Variants in CNFN observed in about 807,000 individuals in gnomAD.
The protein encoded by CNFN is cornifelin, also known as cornefied envelope protein cornefilin.
Under a neutral mutation model 14.9 loss-of-function variants are expected in CNFN, and 10 were observed. The ratio of observed to expected loss-of-function variants is 0.67; its 90% CI spans 0.41 to 1.14. The LOEUF is 1.14. Among genes scored for constraint, CNFN ranks in the 50% most tolerant of loss-of-function variants. CNFN has a pLI of 0.00. For missense variants in CNFN, 165 were observed against 152.8 expected, an observed-to-expected ratio of 1.08 and a Z score of -0.42; for synonymous variants, 66 against 60.0, an observed-to-expected ratio of 1.10 and a Z score of -0.46.
Position 42,388,984 on chromosome 19 carries a change from C to G in CNFN, c.54G>C (p.Gln18His), listed in dbSNP as rs1392621315. 1.2e-5 allele frequency: 20 copies of G among 1,613,842 alleles called. No homozygotes were observed. In the Admixed American group the frequency reaches 3.3e-4, roughly 27 times the overall value. The change falls in exon 2 of 4, where the codon CAG becomes CAC. Residue 18 changes from glutamine (Q) to histidine (H), a missense_variant. Physicochemically the swap from Gln to His is conservative, Grantham distance 24. Coordinates refer to ENST00000222032, the MANE Select transcript of CNFN (RefSeq NM_032488.4). ...QPQCATTSCY[Q>H]TQLSDWHTGL... The stretch of plus-strand genomic sequence containing the variant: ...CTGTGTGCCAGTCACTGAGCTGGGT[C>G]TGGTAGCAGCTGGTGGTGGCGCACT...
At chr19:42,388,003 A>AC (rs2039868537) in intron 2 of CNFN, among the ~76,000 whole-genome samples, 4 of 150,052 alleles carry the variant, frequency 2.7e-5, no homozygotes, top group African/African-American at 9.8e-5. Flanking sequence ...AACAAAACAA[A>AC]AAAAAAAACG....
chr19:42,387,226 T>C lies in CNFN; in HGVS notation c.266A>G (p.Asp89Gly). Residue 89 changes from aspartate to glycine, a missense_variant, in exon 4 of 4, where the codon GAC becomes GGC. Physicochemically the swap from Asp to Gly is moderately conservative, Grantham distance 94 (BLOSUM62 -1). Coordinates refer to ENST00000222032, the MANE Select transcript of CNFN (RefSeq NM_032488.4). ...CAGACAAAAGGTGAGGGCCGCCCAG[T>C]CGTGCCCGACGGAGCCCTAGAGGGT... ...RYHIQGSVGH[D>G]WAALTFCLPC... is the part of the protein sequence containing the mutation. 1 of 1,614,078 alleles carries C rather than the reference T, an allele frequency of 6.2e-7. No individual in the cohort carries two copies. The highest frequency in any genetic ancestry group is 8.5e-7 in the Non-Finnish European group (1 of 1,179,970).
intron 1 of CNFN, 35 bp from the exon 2 acceptor site, chr19:42,389,074 C>A (rs753834183): frequency 3.3e-6 from 5 of 1,498,056 alleles, no homozygotes; most frequent in Non-Finnish European, 4.6e-6. Context: ...CAGCTGGCAG[C>A]CTCGCAGCAT....
intron 1 of CNFN, among the ~76,000 whole-genome samples, 162 bp downstream of exon 1, chr19:42,390,078 A>G (rs954111195): frequency 2.0e-5 from 3 of 152,206 alleles, no homozygotes; most frequent in Non-Finnish European, 2.9e-5. Flanking sequence ...CCCAGTTAAG[A>G]AGGACAGATT....
intron 2 of CNFN, among the ~76,000 whole-genome samples, chr19:42,388,000 C>CCAAAAA (rs2039868336): frequency 7.2e-6 from 1 of 138,816 alleles, no homozygotes; most frequent in Non-Finnish European, 1.5e-5. Context: ...AAAAACAAAA[C>CCAAAAA]AAAAAAAAAA....
chr19:42,387,993 AAC>A (rs1257842023), intron 2 of CNFN, among the ~76,000 whole-genome samples: 5 of 148,786 alleles, frequency 3.4e-5, no homozygotes, highest in African/African-American at 1.2e-4. Flanking sequence ...AAAAACAAAA[AAC>A]AAAACAAAAA....
At chr19:42,387,995 C>CAAAAAAAAA (rs755521374) in intron 2 of CNFN, among the ~76,000 whole-genome samples, 2 of 36,138 alleles carry the variant, frequency 5.5e-5, no homozygotes, top group Non-Finnish European at 1.3e-4. Context: ...AAACAAAAAA[C>CAAAAAAAAA]AAAACAAAAA....
chr19:42,389,636 G>A, intron 1 of CNFN: 1 of 731,274 alleles, frequency 1.4e-6, no homozygotes, highest in Non-Finnish European at 2.0e-6. Flanking sequence ...CAAGGGACTG[G>A]GGCACTGGGG....
chr19:42,387,177 C>T lies in CNFN; in HGVS notation c.315G>A (p.Ala105=). 6.2e-7 allele frequency: 1 copy of T among 1,614,188 alleles called. No homozygotes were observed. The highest frequency in any genetic ancestry group is 8.5e-7 in the Non-Finnish European group (1 of 1,180,026). Residue 105 remains alanine, a synonymous_variant, in exon 4 of 4, where the codon GCG becomes GCA. Coordinates refer to ENST00000222032, the MANE Select transcript of CNFN (RefSeq NM_032488.4). ...CTTACTCTCGGATCTTCAGTTCCCGCGCCATCTGGCAGAGGGCGCAGGGCA... is the reference window on the plus strand; with the variant it reads ...CTTACTCTCGGATCTTCAGTTCCCGTGCCATCTGGCAGAGGGCGCAGGGCA... ...FCLPCALCQM[A]RELKIRE
chr19:42,387,038 T>G lies in CNFN; in HGVS notation c.*115A>C. 2 of 1,019,752 alleles carry G rather than the reference T, an allele frequency of 2.0e-6. No individual in the cohort carries two copies. The highest frequency in any genetic ancestry group is 3.0e-6 in the Non-Finnish European group (2 of 663,118). The allele number at this position is 1,019,752 out of a possible 1,614,324, so 63.2% of individuals were successfully genotyped here. A position where few individuals can be genotyped will look rare whatever the true frequency, so the allele number is the denominator to read the frequency against. On this transcript the variant is annotated 3_prime_UTR_variant, in exon 4 of 4. Transcript: ENST00000222032. ...GCGGAGTTGGTTTTCAGGTTTTTAT[T>G]GTGGGTGTATTTCTGGCAGCGGGAC...
chr19:42,389,621 G>T, intron 1 of CNFN: 1 of 1,004,432 alleles, frequency 1.0e-6, no homozygotes, highest in Non-Finnish European at 1.4e-6. Flanking sequence ...CTGGGGAGGT[G>T]GGGGCAAGGG....
chr19:42,389,481 G>A (rs772880164), intron 1 of CNFN: 4 of 1,291,146 alleles, frequency 3.1e-6, no homozygotes, highest in Admixed American at 4.6e-5. Context: ...TCCACCCAGC[G>A]GTCCCACCTT....
In CNFN at chr19:42,387,064, A is replaced by C; in HGVS notation, c.*89T>G. On this transcript the variant is annotated 3_prime_UTR_variant, in exon 4 of 4. Transcript: ENST00000222032. ...GTGGGTGTATTTCTGGCAGCGGGAC[A>C]GGGGTGGTGAGGCAGTCCCTCCCAG... 7.9e-7 allele frequency: 1 copy of C among 1,261,314 alleles called. No individual in the cohort carries two copies. Among genetic ancestry groups the C allele is most frequent in the Non-Finnish European group, 1.2e-6 (1 of 863,162 alleles). The allele number at this position is 1,261,314 out of a possible 1,614,324, so 78.1% of individuals were successfully genotyped here. A position where few individuals can be genotyped will look rare whatever the true frequency, so the allele number is the denominator to read the frequency against.
At position 42,387,389 on chromosome 19, in the gene CNFN, C is replaced by T. The variant is rs1184911784; in HGVS notation, c.200G>A (p.Gly67Glu). The change falls in exon 3 of 4, where the codon GGA becomes GAA. Residue 67 changes from glycine to glutamate, a missense_variant. Transcript: ENST00000222032. ...GCCGGTGCGGATGGAGTGCAGGCCT[C>T]CGGGCAGGTAGGGCGCGCAGCAGCA... is the stretch of plus-strand genomic sequence containing the variant. ...GECCCAPYLP[G>E]GLHSIRTGMR... 1 of 1,601,282 alleles carries T rather than the reference C, an allele frequency of 6.2e-7. No individual in the cohort carries two copies. The highest frequency in any genetic ancestry group is 1.3e-5 in the African/African-American group (1 of 74,656).
chr19:42,389,480 C>A, intron 1 of CNFN: 4 of 1,291,224 alleles, frequency 3.1e-6, no homozygotes, highest in Non-Finnish European at 3.0e-6. Context: ...GTCCACCCAG[C>A]GGTCCCACCT....
In CNFN at chr19:42,388,885, A is replaced by C. The variant is rs377117282; in HGVS notation, c.112+41T>G. 1.5e-5 allele frequency: 23 copies of C among 1,484,110 alleles called. No individual in the cohort carries two copies. In the African/African-American group the frequency reaches 3.0e-4, roughly 20 times the overall value. The allele number at this position is 1,484,110 out of a possible 1,614,324, so 91.9% of individuals were successfully genotyped here. A position where few individuals can be genotyped will look rare whatever the true frequency, so the allele number is the denominator to read the frequency against. ...CCCTCTCCTGATTCCCCCCAAACCC[A>C]TCTTCCACCAGGCCTGGAGAGGGAG... is the stretch of plus-strand genomic sequence containing the variant. On this transcript the variant is annotated intron_variant, in intron 2 of 3. Coordinates refer to ENST00000222032, the MANE Select transcript of CNFN (RefSeq NM_032488.4).
intron 1 of CNFN, among the ~76,000 whole-genome samples, 152 bp from the exon 2 acceptor site, chr19:42,389,191 G>A (rs944996179): frequency 6.6e-6 from 1 of 152,378 alleles, no homozygotes; most frequent in African/African-American, 2.4e-5. Context: ...CTTCCCTTCT[G>A]CTACATCTGG....
At chr19:42,387,508 C>T (rs1293319568) in intron 2 of CNFN, 32 bp from the exon 3 acceptor site, 4 of 1,509,654 alleles carry the variant, frequency 2.6e-6, no homozygotes, top group African/African-American at 2.8e-5. Context: ...AGGGGCGGGG[C>T]CAGCCGGGGC....
intron 1 of CNFN, chr19:42,389,383 TG>T: frequency 1.0e-6 from 1 of 1,000,122 alleles, no homozygotes; most frequent in Non-Finnish European, 1.4e-6. Flanking sequence ...CTGGGGCCTC[TG>T]GGGTGGAAGC....
Sources: allele counts gnomAD v4.1 joint callset (sites outside exome capture counted in the v4.1 genomes callset), GRCh38; gene constraint gnomAD v4.1.1; transcripts MANE v1.5; gene names NCBI Gene and HGNC (gene_info 2026-07-23, HGNC 2026-07-21).